The following VPS13B variants were observed in gnomAD, a reference collection of about 807,000 sequenced individuals.
VPS13B encodes intermembrane lipid transfer protein VPS13B.
In VPS13B, 285 loss-of-function variants were observed where a neutral mutation model predicts 426.4. That is an observed-to-expected ratio of 0.67 (90% CI 0.61 to 0.74). The LOEUF (loss-of-function observed/expected upper bound fraction) is 0.74. Ranked by LOEUF, VPS13B falls within the 30% of genes least tolerant of loss-of-function variation. The pLI is 0.00. For synonymous variants in VPS13B, 1,676 were observed against 1,676.4 expected (o/e 1.00, Z 0.01); for missense variants, 4,537 against 4,782.6 (o/e 0.95, Z 1.51).
intron 31 of VPS13B, among the ~76,000 whole-genome samples, chr8:99,556,933 G>T (rs1280374507): frequency 6.6e-6 from 1 of 151,496 alleles, no homozygotes; most frequent in South Asian, 2.1e-4. Flanking sequence ...CAGGCTAAAG[G>T]ATACACATTT....
At chr8:99,273,329 T>G (rs559018769) in intron 17 of VPS13B, among the ~76,000 whole-genome samples, 2 of 78,834 alleles carry the variant, frequency 2.5e-5, no homozygotes, top group Admixed American at 2.0e-4. Flanking sequence ...CAGCTAATTT[T>G]TGTACTTTTT....
intron 31 of VPS13B, among the ~76,000 whole-genome samples, chr8:99,572,326 T>C (rs147505581): frequency 6.6e-6 from 1 of 152,224 alleles, no homozygotes; most frequent in Non-Finnish European, 1.5e-5. Context: ...TTTTTATTAT[T>C]ATACTTTAAG....
intron 17 of VPS13B, among the ~76,000 whole-genome samples, chr8:99,202,877 AC>A (rs1007635196): frequency 3.3e-5 from 5 of 151,710 alleles, no homozygotes; most frequent in Non-Finnish European, 5.9e-5. Context: ...AAAAAAAAAT[AC>A]AAAAAATTAA....
intron 17 of VPS13B, among the ~76,000 whole-genome samples, chr8:99,196,019 A>G (rs1440847480): frequency 6.6e-6 from 1 of 151,890 alleles, no homozygotes; most frequent in African/African-American, 2.4e-5. Flanking sequence ...TTTGTTTAAT[A>G]TTGCTTTTGT....
intron 2 of VPS13B, among the ~76,000 whole-genome samples, chr8:99,035,233 A>G (rs991405841): frequency 6.6e-6 from 1 of 152,072 alleles, no homozygotes; most frequent in Non-Finnish European, 1.5e-5. Context: ...CTATATTACT[A>G]TTAATTATAT....
chr8:99,492,774 A>G (rs1314883700), intron 25 of VPS13B, among the ~76,000 whole-genome samples: 1 of 152,286 alleles, frequency 6.6e-6, no homozygotes, highest in African/African-American at 2.4e-5. Flanking sequence ...ACAGTCTGTC[A>G]TGGCTTCCTT....
At chr8:99,634,115 G>A (rs1182165839) in intron 33 of VPS13B, among the ~76,000 whole-genome samples, 1 of 151,666 alleles carries the variant, frequency 6.6e-6, no homozygotes, top group Non-Finnish European at 1.5e-5. Flanking sequence ...TATGTATAAA[G>A]GGACAAACAC....
intron 33 of VPS13B, among the ~76,000 whole-genome samples, chr8:99,590,674 A>G (rs941591711): frequency 2.0e-5 from 3 of 152,084 alleles, no homozygotes; most frequent in African/African-American, 7.2e-5. Flanking sequence ...CCTGAGTTCT[A>G]ATTTGATTGC....
At chr8:99,817,371 C>G (rs949270849) in intron 44 of VPS13B, among the ~76,000 whole-genome samples, 169 bp from the exon 45 acceptor site, 1 of 152,032 alleles carries the variant, frequency 6.6e-6, no homozygotes, top group South Asian at 2.1e-4. Flanking sequence ...ATGGCCAAAG[C>G]AAAATTTCTT....
chr8:99,342,905 C>G (rs897878979), intron 19 of VPS13B, among the ~76,000 whole-genome samples: 3 of 152,148 alleles, frequency 2.0e-5, no homozygotes, highest in African/African-American at 7.2e-5. Context: ...TCACTAATAC[C>G]TGTCATCTTT....
At chr8:99,055,730 TTTTA>T (rs1021408651) in intron 3 of VPS13B, among the ~76,000 whole-genome samples, 4 of 151,984 alleles carry the variant, frequency 2.6e-5, no homozygotes, top group African/African-American at 4.8e-5. Context: ...TGAGTTGATC[TTTTA>T]TTTATTTATT....
At chr8:99,531,896 TA>T (rs1822955045) in intron 30 of VPS13B, among the ~76,000 whole-genome samples, 1 of 152,158 alleles carries the variant, frequency 6.6e-6, no homozygotes, top group African/African-American at 2.4e-5. Context: ...AAGCTCTTCA[TA>T]CCTATTCAAA....
chr8:99,139,294 A>G (rs1180976044), intron 12 of VPS13B, among the ~76,000 whole-genome samples: 1 of 152,126 alleles, frequency 6.6e-6, no homozygotes, highest in Non-Finnish European at 1.5e-5. Context: ...CTTTTGGTTT[A>G]TCCCCATTTT....
intron 7 of VPS13B, 107 bp downstream of exon 7, chr8:99,115,981 A>T: frequency 3.5e-6 from 4 of 1,146,044 alleles, no homozygotes; most frequent in Non-Finnish European, 5.0e-6. Flanking sequence ...CAGTATTCTA[A>T]TGAGATGGGC....
At chr8:99,100,781 G>A (rs948941985) in intron 4 of VPS13B, among the ~76,000 whole-genome samples, 1 of 152,000 alleles carries the variant, frequency 6.6e-6, no homozygotes, top group Non-Finnish European at 1.5e-5. Context: ...GGTGGCTCAT[G>A]CCTGTAATCC....
At chr8:99,751,610 G>T (rs1213253775) in intron 39 of VPS13B, among the ~76,000 whole-genome samples, 3 of 151,978 alleles carry the variant, frequency 2.0e-5, no homozygotes, top group Non-Finnish European at 4.4e-5. Context: ...ATGAATATTT[G>T]ATAAATATAT....
At chr8:99,233,518 G>A (rs761815564) in intron 17 of VPS13B, 26 of 1,209,744 alleles carry the variant, frequency 2.1e-5, no homozygotes, top group Middle Eastern at 2.7e-4. Flanking sequence ...ATGCTGATGC[G>A]GGAACGGGCC....
chr8:99,199,464 C>A (rs936982201), intron 17 of VPS13B, among the ~76,000 whole-genome samples: 2 of 152,194 alleles, frequency 1.3e-5, no homozygotes, highest in Non-Finnish European at 2.9e-5. Flanking sequence ...AGCCACCACA[C>A]CCGGCCCAGA....
intron 34 of VPS13B, among the ~76,000 whole-genome samples, chr8:99,644,377 A>G (rs186746434): frequency 6.6e-6 from 1 of 152,292 alleles, no homozygotes; most frequent in Non-Finnish European, 1.5e-5. Flanking sequence ...ATACATTTTC[A>G]TCTAAGTCTG....
Sources: allele counts gnomAD v4.1 joint callset (sites outside exome capture counted in the v4.1 genomes callset), GRCh38; gene constraint gnomAD v4.1.1; transcripts MANE v1.5; gene names NCBI Gene and HGNC (gene_info 2026-07-23, HGNC 2026-07-21).